NCOA2: variants seen among roughly 807,000 people sequenced by gnomAD.
The protein encoded by NCOA2 is class E basic helix-loop-helix protein 75.
NCOA2 carries 21 observed loss-of-function variants against 145.1 expected under a neutral mutation model. The observed-to-expected ratio is 0.14, with a 90% CI of 0.10 to 0.21. The LOEUF (loss-of-function observed/expected upper bound fraction) is 0.21, where lower values mean the gene tolerates loss of function less well. Ranked by LOEUF, NCOA2 falls within the 10% of genes least tolerant of loss-of-function variation. The probability of loss-of-function intolerance (pLI) is 1.00; values close to 1 mark genes in which losing one functional copy is unlikely to be tolerated. For synonymous variants in NCOA2, 619 were observed against 637.5 expected, an observed-to-expected ratio of 0.97 and a Z score of 0.44; for missense variants, 1,472 against 1,837.6, an observed-to-expected ratio of 0.80 and a Z score of 3.64.
chr8:70,428,150 G>T, the NCOA2 span, among the ~76,000 whole-genome samples: 1 of 151,970 alleles, frequency 6.6e-6, no homozygotes, highest in African/African-American at 2.4e-5. Flanking sequence ...CCCCTCGAAG[G>T]TTTTCTCAGA....
At chr8:70,366,666 G>A (rs1036979883) in intron 1 of NCOA2, among the ~76,000 whole-genome samples, 2 of 150,244 alleles carry the variant, frequency 1.3e-5, no homozygotes, top group Non-Finnish European at 1.5e-5. Context: ...ATCCATTGCC[G>A]GCATAAGTTA....
intron 4 of NCOA2, among the ~76,000 whole-genome samples, chr8:70,203,113 A>T (rs982825827): frequency 6.6e-6 from 1 of 152,114 alleles, no homozygotes; most frequent in Non-Finnish European, 1.5e-5. Flanking sequence ...AAATATAAAA[A>T]TTAGCTGGGC....
rs1421154774 is a variant in NCOA2, at chr8:70,144,727, A to T, written c.2727T>A (p.Ser909Arg). ...AGPFPPIRNS[S>R]PYSVIPQPGM... The stretch of plus-strand genomic sequence containing the variant: ...CTGGCTGAGGTATCACTGAGTAGGG[A>T]CTACTGTTTCTGATTGGTGGGAAAG... The change falls in exon 13 of 23, where the codon AGT (serine) becomes AGA (arginine). Residue 909 changes from serine to arginine, a missense_variant. Transcript: ENST00000452400. The T allele has an allele frequency of 6.2e-7, 1 of 1,613,882 alleles. No individual in the cohort carries two copies.
chr8:70,278,694 C>T (rs563192764), intron 2 of NCOA2, among the ~76,000 whole-genome samples: 7 of 152,166 alleles, frequency 4.6e-5, no homozygotes, highest in South Asian at 2.1e-4. Flanking sequence ...TGGCTTGGGA[C>T]GGTGGCTCAT....
At chr8:70,316,349 C>T (rs1586468032) in intron 1 of NCOA2, among the ~76,000 whole-genome samples, 1 of 152,318 alleles carries the variant, frequency 6.6e-6, no homozygotes, top group East Asian at 1.9e-4. Flanking sequence ...CTGGGAGTGT[C>T]CCTCATGATA....
rs1227901450 is a variant in NCOA2, at chr8:70,113,164, T to C, written c.*468A>G. 2 of 215,802 alleles carry C rather than the reference T, an allele frequency of 9.3e-6. No homozygotes were observed. The highest frequency in any genetic ancestry group is 4.5e-5 in the African/African-American group (2 of 44,188). The allele number at this position is 215,802 out of a possible 1,614,324, so 13.4% of individuals were successfully genotyped here. A position where few individuals can be genotyped will look rare whatever the true frequency, so the allele number is the denominator to read the frequency against. On this transcript the variant is annotated 3_prime_UTR_variant, in exon 23 of 23. Transcript: ENST00000452400. ...AGCTTAAAACATCTTTAGTTTAATT[T>C]TTTAAAAAATTCTTTTCTTTCCCCC...
intron 16 of NCOA2, among the ~76,000 whole-genome samples, chr8:70,131,454 C>T (rs546996350): frequency 2.6e-5 from 4 of 152,316 alleles, no homozygotes; most frequent in African/African-American, 9.6e-5. Flanking sequence ...ATACTGGGGT[C>T]ACGACTACAC....
At chr8:70,349,497 T>A (rs751715663) in intron 1 of NCOA2, among the ~76,000 whole-genome samples, 1 of 152,072 alleles carries the variant, frequency 6.6e-6, no homozygotes, top group Non-Finnish European at 1.5e-5. Flanking sequence ...TGTCAATAGA[T>A]GCAAACTAGA....
intron 1 of NCOA2, among the ~76,000 whole-genome samples, chr8:70,396,687 TA>T (rs1329229166): frequency 6.6e-6 from 1 of 151,870 alleles, no homozygotes; most frequent in African/African-American, 2.4e-5. Context: ...TCATGGGTCT[TA>T]AAATAAATAA....
chr8:70,129,644 A>G (rs559514324), intron 16 of NCOA2, among the ~76,000 whole-genome samples: 18 of 149,014 alleles, frequency 1.2e-4, no homozygotes, highest in Non-Finnish European at 2.5e-4. Context: ...CTCATTACCT[A>G]CTAGACATGG....
intron 1 of NCOA2, among the ~76,000 whole-genome samples, chr8:70,307,242 T>C (rs201972482): frequency 1.2e-5 from 1 of 84,528 alleles, no homozygotes; most frequent in African/African-American, 4.8e-5. Flanking sequence ...AAAAAAAAAA[T>C]AGAAGAAATA....
At chr8:70,416,427 G>A in the NCOA2 span, among the ~76,000 whole-genome samples, 1 of 152,024 alleles carries the variant, frequency 6.6e-6, no homozygotes, top group Admixed American at 6.6e-5. Flanking sequence ...TAATCTCCAA[G>A]TGAAGACAAT....
At chr8:70,382,657 T>A (rs1039747723) in intron 1 of NCOA2, among the ~76,000 whole-genome samples, 10 of 152,210 alleles carry the variant, frequency 6.6e-5, no homozygotes, top group Non-Finnish European at 1.5e-4. Flanking sequence ...ATGAATCTGA[T>A]CCAAGTCAGA....
intron 2 of NCOA2, among the ~76,000 whole-genome samples, chr8:70,243,816 G>A (rs1212116257): frequency 2.7e-5 from 4 of 149,806 alleles, no homozygotes; most frequent in African/African-American, 9.9e-5. Flanking sequence ...AAAGAATGTG[G>A]GAGAATACGA....
chr8:70,164,960 G>A (rs2958371), intron 7 of NCOA2, among the ~76,000 whole-genome samples: 136,004 of 152,168 alleles, frequency 0.89, 61,227 homozygotes, highest in African/African-American at 0.95. Context: ...CCAATGTCAC[G>A]CAAACCTTCG....
At chr8:70,162,568 C>T (rs1813150561) in intron 9 of NCOA2, 143 bp downstream of exon 9, 1 of 766,392 alleles carries the variant, frequency 1.3e-6, no homozygotes, top group Non-Finnish European at 2.0e-6. Context: ...TTAAATTTTC[C>T]TTTAGATGGC....
chr8:70,150,830 C>A (rs984898874), intron 11 of NCOA2, among the ~76,000 whole-genome samples: 5 of 152,160 alleles, frequency 3.3e-5, no homozygotes, highest in African/African-American at 1.2e-4. Flanking sequence ...TTAACACAAA[C>A]TTTAAAAAAT....
intron 2 of NCOA2, among the ~76,000 whole-genome samples, chr8:70,249,051 T>C (rs1196175315): frequency 6.6e-6 from 1 of 152,134 alleles, no homozygotes; most frequent in African/African-American, 2.4e-5. Context: ...CCTAGGACTG[T>C]AAATATGACA....
the NCOA2 span, among the ~76,000 whole-genome samples, chr8:70,440,787 G>C: frequency 6.7e-6 from 1 of 148,264 alleles, no homozygotes; most frequent in Non-Finnish European, 1.5e-5. Context: ...AAGAAAAGAA[G>C]AAAGAAAAAG....
Sources: allele counts gnomAD v4.1 joint callset (sites outside exome capture counted in the v4.1 genomes callset), GRCh38; gene constraint gnomAD v4.1.1; transcripts MANE v1.5; gene names NCBI Gene and HGNC (gene_info 2026-07-23, HGNC 2026-07-21).